The following BAHCC1 variants were observed in gnomAD, a reference collection of about 807,000 sequenced individuals.
BAHCC1 encodes the protein BAH domain and coiled-coil containing 1, also known as BAH and coiled-coil domain-containing protein 1.
A neutral mutation model predicts 88.2 loss-of-function variants in BAHCC1; 43 were observed. The ratio of observed to expected loss-of-function variants is 0.49; its 90% CI spans 0.38 to 0.63. The LOEUF is 0.63. BAHCC1 is among the 20% of genes least tolerant of loss of function. The pLI is 0.00. For synonymous variants in BAHCC1, 1,510 were observed against 745.5 expected (o/e 2.03, Z -16.71); for missense variants, 3,023 against 1,654.8 (o/e 1.83, Z -14.34).
chr17:81,401,783 C>T (rs1295477200), intron 2 of BAHCC1: 2 of 152,312 alleles, frequency 1.3e-5, no homozygotes, highest in East Asian at 1.9e-4. Context: ...GGGCTGTCCC[C>T]TCCGGGAGGC....
intron 2 of BAHCC1, among the ~76,000 whole-genome samples, chr17:81,405,595 C>T (rs2063868331): frequency 1.3e-5 from 2 of 152,218 alleles, no homozygotes; most frequent in Non-Finnish European, 2.9e-5. Flanking sequence ...GAGCCCGAGA[C>T]TGTCCATGTC....
intron 2 of BAHCC1, among the ~76,000 whole-genome samples, chr17:81,419,788 CGTT>C (rs2064092878): frequency 8.8e-5 from 9 of 102,302 alleles, no homozygotes; most frequent in Non-Finnish European, 1.2e-4. Context: ...CTCAACGAGG[CGTT>C]TTTTTTTTTT....
At position 81,444,844 on chromosome 17, in the gene BAHCC1, A is replaced by G. The variant is rs782590688; in HGVS notation, c.2671+18A>G. 2 of 767,992 alleles carry G rather than the reference A, an allele frequency of 2.6e-6. No homozygotes were observed. The highest frequency in any genetic ancestry group is 4.8e-6 in the Non-Finnish European group (2 of 413,236). The allele number at this position is 767,992 out of a possible 1,614,324, so 47.6% of individuals were successfully genotyped here. A position where few individuals can be genotyped will look rare whatever the true frequency, so the allele number is the denominator to read the frequency against. ...CGCACTTGGTAAGGGCCCCTGGTCC[A>G]GGCTGCTGTACTTGGGGGGTGCTGT... On this transcript the variant is annotated intron_variant, in intron 8 of 27. Transcript: ENST00000675386.
At chr17:81,444,185 G>A in intron 6 of BAHCC1, 196 bp from the exon 7 acceptor site, 1 of 605,834 alleles carries the variant, frequency 1.7e-6, no homozygotes, top group Non-Finnish European at 2.9e-6. Context: ...ACTGAGGCTG[G>A]AGCCTGGGGT....
chr17:81,462,171 G>GAAAACTCAAGGGAAGAAC, intron 26 of BAHCC1, 125 bp downstream of exon 26: 1 of 598,170 alleles, frequency 1.7e-6, no homozygotes, highest in Non-Finnish European at 3.0e-6. Flanking sequence ...AAAAAATGTG[G>GAAAACTCAAGGGAAGAAC]AAAACTCAAG....
At position 81,463,070 on chromosome 17, in the gene BAHCC1, T is replaced by G. The variant is rs577347727; in HGVS notation, c.7620+94T>G. ...GCACTGTGCCCCAACACGGAGCACC[T>G]GGCCCCACCACACAGCCCCCGCTCA... On this transcript the variant is annotated intron_variant, in intron 27 of 27. Coordinates refer to ENST00000675386, the MANE Select transcript of BAHCC1 (RefSeq NM_001377448.1). 15 of 669,486 alleles carry G rather than the reference T, an allele frequency of 2.2e-5. No homozygotes were observed. In the African/African-American group the frequency reaches 2.7e-4, roughly 12 times the overall value. 41.5% of individuals were successfully genotyped at this position (669,486 alleles called of 1,614,324 possible). A position where few individuals can be genotyped will look rare whatever the true frequency, so the allele number is the denominator to read the frequency against.
intron 2 of BAHCC1, chr17:81,413,073 A>G (rs922097795): frequency 7.1e-6 from 3 of 422,522 alleles, no homozygotes; most frequent in South Asian, 1.6e-5. Flanking sequence ...CCAAGCGCCA[A>G]TTACATAAAG....
intron 2 of BAHCC1, among the ~76,000 whole-genome samples, chr17:81,418,351 C>T (rs997346076): frequency 2.0e-5 from 3 of 152,190 alleles, no homozygotes; most frequent in Non-Finnish European, 4.4e-5. Context: ...GTTGGCTGCC[C>T]GCCAGAATCT....
rs1452461833 is a variant in BAHCC1, at chr17:81,435,683, TC to T, written c.359-2684del. 1.3e-5 allele frequency among the ~76,000 whole-genome samples: 2 copies of T among 151,862 alleles called. No homozygotes were observed. The highest frequency in any genetic ancestry group is 2.9e-5 in the Non-Finnish European group (2 of 67,954). ...TGGTCTCTGGCCCCGGAATGTCCCC[TC>T]CCTGCCATCTGGGGCCTCTACTGTC... On this transcript the variant is annotated intron_variant, in intron 3 of 27. Transcript: ENST00000675386. The surrounding 1 kb of genome is among the most constrained non-coding windows in gnomAD (Gnocchi z 4.4).
Position 81,447,239 on chromosome 17 carries a change from G to T in BAHCC1, c.3367G>T (p.Ala1123Ser), listed in dbSNP as rs782733761. The T allele has an allele frequency of 8.3e-6, 6 of 720,694 alleles. No individual in the cohort carries two copies. Among genetic ancestry groups the T allele is most frequent in the South Asian group, 7.7e-5 (5 of 65,042 alleles). 44.6% of individuals were successfully genotyped at this position (720,694 alleles called of 1,614,324 possible). ...GGAGGAGCCCGGGCTGCTCTCAGGG[G>T]CCAGGGAGGCCACCCAGGACCTTGC... ...SLEEPGLLSG[A>S]REATQDLAAT... Residue 1123 changes from alanine (A) to serine (S), a missense_variant, in exon 11 of 28, where the codon GCC (alanine) becomes TCC (serine). Ala to Ser is a moderately conservative substitution (Grantham distance 99). Transcript: ENST00000675386.
chr17:81,444,929 G>T, intron 8 of BAHCC1, 86 bp from the exon 9 acceptor site: 1 of 685,758 alleles, frequency 1.5e-6, no homozygotes, highest in South Asian at 1.5e-5. Context: ...GGTGGGCTTG[G>T]TGGGCTGAGG....
At chr17:81,416,253 CGTGT>C (rs1166434088) in intron 2 of BAHCC1, among the ~76,000 whole-genome samples, 20 of 59,192 alleles carry the variant, frequency 3.4e-4, no homozygotes, top group African/African-American at 1.1e-3. Flanking sequence ...CGTGTGTGTA[CGTGT>C]GTGTGTCCAT....
At position 81,447,192 on chromosome 17, in the gene BAHCC1, C is replaced by T. The variant is rs782245282; in HGVS notation, c.3320C>T (p.Pro1107Leu). ...PTRTFLPGEP[P>L]PCSPRSLEEP... ...AGGACATTCCTGCCTGGGGAGCCGC[C>T]TCCCTGCAGCCCCAGGAGCCTGGAG... Residue 1107 changes from proline to leucine, a missense_variant, in exon 11 of 28, where the codon CCT becomes CTT. Coordinates refer to ENST00000675386, the MANE Select transcript of BAHCC1 (RefSeq NM_001377448.1). 1 of 765,966 alleles carries T rather than the reference C, an allele frequency of 1.3e-6. No homozygotes were observed. The highest frequency in any genetic ancestry group is 2.4e-6 in the Non-Finnish European group (1 of 411,568). The allele number at this position is 765,966 out of a possible 1,614,324, so 47.4% of individuals were successfully genotyped here.
chr17:81,453,146 A>G (rs1207544449), intron 14 of BAHCC1, among the ~76,000 whole-genome samples: 1 of 152,186 alleles, frequency 6.6e-6, no homozygotes, highest in Non-Finnish European at 1.5e-5. Flanking sequence ...TGGCTGTGGC[A>G]TCGTCCCCGC....
intron 3 of BAHCC1, among the ~76,000 whole-genome samples, chr17:81,429,395 G>T (rs948379591): frequency 3.9e-5 from 6 of 152,216 alleles, no homozygotes; most frequent in East Asian, 1.9e-4. Flanking sequence ...CTCCCTGCGG[G>T]GGTTCCCTGC....
At chr17:81,443,962 G>T in intron 6 of BAHCC1, 45 bp downstream of exon 6, 1 of 699,728 alleles carries the variant, frequency 1.4e-6, no homozygotes, top group South Asian at 1.5e-5. Flanking sequence ...CTAGGCCTGG[G>T]CTTGGGGCTC....
chr17:81,466,035 G>A lies in BAHCC1; in HGVS notation c.*2218G>A, dbSNP rs782081600. The stretch of plus-strand genomic sequence containing the variant: ...TCCTCTGCTCCGCCGCCTCGTCCTC[G>A]TCCCGCTTCTGCTGGGTTCCGCTTT... On this transcript the variant is annotated 3_prime_UTR_variant, in exon 28 of 28. Coordinates refer to ENST00000675386, the MANE Select transcript of BAHCC1 (RefSeq NM_001377448.1). 3.9e-5 allele frequency: 6 copies of A among 152,516 alleles called. No individual in the cohort carries two copies. Among genetic ancestry groups the A allele is most frequent in the African/African-American group, 1.4e-4 (6 of 41,460 alleles). 9.4% of individuals were successfully genotyped at this position (152,516 alleles called of 1,614,324 possible).
chr17:81,397,918 A>G (rs1456875221), intron 1 of BAHCC1, among the ~76,000 whole-genome samples: 1 of 152,258 alleles, frequency 6.6e-6, no homozygotes, highest in African/African-American at 2.4e-5. Flanking sequence ...CTGAGCAAAT[A>G]TGTATTCACT....
intron 4 of BAHCC1, among the ~76,000 whole-genome samples, chr17:81,440,358 C>G (rs1555652319): frequency 6.6e-6 from 1 of 152,234 alleles, no homozygotes; most frequent in Non-Finnish European, 1.5e-5. Context: ...GGAGCTGTGT[C>G]CAAGAACAGT....
Sources: gnomAD v4.1 joint callset for allele counts (sites outside exome capture counted in the v4.1 genomes callset) on GRCh38, gnomAD v4.1.1 for gene constraint, Gnocchi (gnomAD v3.1) non-coding constraint, MANE v1.5 for transcripts, NCBI Gene and HGNC (gene_info 2026-07-23, HGNC 2026-07-21) for gene names.